BANP: variants seen among roughly 807,000 people sequenced by gnomAD.
BANP encodes BTG3 associated nuclear protein, also known as protein BANP.
Under a neutral mutation model 68.1 loss-of-function variants are expected in BANP, and 11 were observed. The observed-to-expected ratio is 0.16, with a 90% confidence interval of 0.10 to 0.27. BANP has a LOEUF of 0.27. BANP is among the 10% of genes least tolerant of loss of function. The pLI is 1.00. For missense variants in BANP, 504 were observed against 722.7 expected (o/e 0.70, Z 3.47); for synonymous variants, 329 against 303.2 (o/e 1.09, Z -0.88).
chr16:88,033,432 G>A (rs1186405520), intron 9 of BANP, among the ~76,000 whole-genome samples, 187 bp downstream of exon 9: 1 of 152,156 alleles, frequency 6.6e-6, no homozygotes, highest in Non-Finnish European at 1.5e-5. Context: ...CACAGGTGGG[G>A]GCGGCTGCTG....
At position 88,057,583 on chromosome 16, in the gene BANP, A is replaced by G. The variant is rs372168558; in HGVS notation, c.1312-7684A>G. On this transcript the variant is annotated intron_variant, in intron 11 of 13. Coordinates refer to ENST00000682872, the MANE Select transcript of BANP (RefSeq NM_001386991.1). The surrounding 1 kb of genome is among the most constrained non-coding windows in gnomAD (Gnocchi z 4.6). ...CCGGCTTTTCCCTCATGCAAAATGC[A>G]GGCACTCTGACTGGCCCACGTTGTG... Among the ~76,000 whole-genome samples, 33 of 152,234 alleles carry G rather than the reference A, an allele frequency of 2.2e-4. No homozygotes were observed. The highest frequency in any genetic ancestry group is 7.7e-4 in the African/African-American group (32 of 41,546).
intron 4 of BANP, among the ~76,000 whole-genome samples, chr16:87,997,836 G>T (rs1041319662): frequency 6.6e-6 from 1 of 152,264 alleles, no homozygotes; most frequent in African/African-American, 2.4e-5. Context: ...TTACTTCCTG[G>T]TGAGTCCCTG....
intron 4 of BANP, among the ~76,000 whole-genome samples, chr16:87,991,300 A>G (rs2065852116): frequency 6.6e-6 from 1 of 152,280 alleles, no homozygotes; most frequent in Non-Finnish European, 1.5e-5. Flanking sequence ...CATACATACA[A>G]CTTCGGGAAT....
chr16:88,075,112 G>A (rs1205921169), intron 13 of BANP, among the ~76,000 whole-genome samples: 1 of 152,204 alleles, frequency 6.6e-6, no homozygotes, highest in African/African-American at 2.4e-5. Flanking sequence ...TTGGGAGGCT[G>A]AGGCAGGCCA....
At chr16:87,964,976 A>T (rs561927310) in intron 1 of BANP, among the ~76,000 whole-genome samples, 55 of 152,270 alleles carry the variant, frequency 3.6e-4, no homozygotes, top group African/African-American at 1.3e-3. Context: ...GTGTGGTGTG[A>T]GGCCTGGAGT....
intron 11 of BANP, among the ~76,000 whole-genome samples, chr16:88,053,029 C>A (rs1419805149): frequency 6.6e-6 from 1 of 150,500 alleles, no homozygotes; most frequent in Non-Finnish European, 1.5e-5. Context: ...AACAGTCACC[C>A]TAACAAACAC....
intron 13 of BANP, 114 bp from the exon 14 acceptor site, chr16:88,076,476 C>A: frequency 1.1e-6 from 1 of 883,000 alleles, no homozygotes; most frequent in Non-Finnish European, 1.7e-6. Flanking sequence ...CTCCTTCGCG[C>A]TCCTGTGTGC....
rs889958216 is a variant in BANP at position 88,064,061 on chromosome 16, A to G, written c.1312-1206A>G. Among the ~76,000 whole-genome samples the G allele has an allele frequency of 2.0e-5, 3 of 152,192 alleles. No homozygotes were observed. The highest frequency in any genetic ancestry group is 7.2e-5 in the African/African-American group (3 of 41,446). Reference sequence around the variant, plus strand: ...TTTTGTGGGGAACAAAGGCACAGACATTGTTGCTGCCTTGGAACAAGGTGT... The same window carrying G: ...TTTTGTGGGGAACAAAGGCACAGACGTTGTTGCTGCCTTGGAACAAGGTGT... On this transcript the variant is annotated intron_variant, in intron 11 of 13. Transcript: ENST00000682872. The surrounding 1 kb of genome is among the most constrained non-coding windows in gnomAD (Gnocchi z 4.5).
Position 88,065,031 on chromosome 16 carries a change from C to T in BANP, c.1312-236C>T, listed in dbSNP as rs73235239. 5.7e-3 allele frequency among the ~76,000 whole-genome samples: 862 copies of T among 152,342 alleles called. 10 individuals are homozygous for T. Among genetic ancestry groups the T allele is most frequent in the African/African-American group, 0.02 (814 of 41,572 alleles). Reference sequence around the variant, plus strand: ...CAGCTGCCAGCCCGCCCTGAAGGCACGGACTGCCAGGCCTTTTGTTTCTGT... The same window carrying T: ...CAGCTGCCAGCCCGCCCTGAAGGCATGGACTGCCAGGCCTTTTGTTTCTGT... On this transcript the variant is annotated intron_variant, in intron 11 of 13. Transcript: ENST00000682872.
chr16:87,961,356 G>A (rs946614351), intron 1 of BANP, among the ~76,000 whole-genome samples: 2 of 151,670 alleles, frequency 1.3e-5, no homozygotes, highest in Non-Finnish European at 2.9e-5. Context: ...TAGAGACAGG[G>A]TTTTGCTGTG....
In BANP at chr16:88,035,326, C is replaced by T; in HGVS notation, c.1204C>T (p.Pro402Ser). Residue 402 changes from proline (P) to serine (S), a missense_variant, in exon 10 of 14, where the codon CCA becomes TCA. Physicochemically the swap from Pro to Ser is moderately conservative, Grantham distance 74. Coordinates refer to ENST00000682872, the MANE Select transcript of BANP (RefSeq NM_001386991.1). ...TTGGTGTCTTTTCTTGCTGCGGATC[C>T]CACAGGGACACCTCCACATCGCCCA... Reference protein sequence around the residue: ...IGEDGQVQVIPQGHLHIAQVP... With the variant: ...IGEDGQVQVISQGHLHIAQVP... 1 of 1,609,756 alleles carries T rather than the reference C, an allele frequency of 6.2e-7. No homozygotes were observed. Among genetic ancestry groups the T allele is most frequent in the Non-Finnish European group, 8.5e-7 (1 of 1,178,438 alleles).
At chr16:87,973,548 G>C (rs2061489433) in intron 1 of BANP, among the ~76,000 whole-genome samples, 1 of 152,158 alleles carries the variant, frequency 6.6e-6, no homozygotes. Flanking sequence ...ATCACCTGAG[G>C]TCGGGAGTTC....
chr16:87,975,346 C>A, intron 2 of BANP, 161 bp downstream of exon 2: 1 of 713,588 alleles, frequency 1.4e-6, no homozygotes, highest in Non-Finnish European at 2.4e-6. Flanking sequence ...CGGCCCCTCC[C>A]TTCCCTCGCC....
chr16:88,033,815 C>G (rs1050094537), intron 9 of BANP, among the ~76,000 whole-genome samples: 9 of 152,210 alleles, frequency 5.9e-5, no homozygotes, highest in African/African-American at 2.2e-4. Context: ...TGTGGTCAGC[C>G]TGATGCGCCT....
rs2087822142 is a variant in BANP at position 88,064,328 on chromosome 16, C to G, written c.1312-939C>G. Among the ~76,000 whole-genome samples the G allele has an allele frequency of 6.6e-6, 1 of 152,196 alleles. No individual in the cohort carries two copies. Among genetic ancestry groups the G allele is most frequent in the Non-Finnish European group, 1.5e-5 (1 of 68,042 alleles). ...GTCCCTTGCACCCTTGCCCTGTGGT[C>G]ACCTGTGGTCAGGGACAGTGGGTTC... On this transcript the variant is annotated intron_variant, in intron 11 of 13. Coordinates refer to ENST00000682872, the MANE Select transcript of BANP (RefSeq NM_001386991.1). This position sits in a 1 kb window ranked among gnomAD's most constrained non-coding sequence, Gnocchi z 4.5.
rs1335324243 is a variant in BANP at position 87,957,622 on chromosome 16, C to T, written c.-69+6107C>T. ...TGGCCTGTAGTGATTTTCCTTTTCC[C>T]TTGAGATGAAAAGTCATCAAATATC... On this transcript the variant is annotated intron_variant, in intron 1 of 13. Coordinates refer to ENST00000682872, the MANE Select transcript of BANP (RefSeq NM_001386991.1). This position sits in a 1 kb window ranked among gnomAD's most constrained non-coding sequence, Gnocchi z 4.3. 6.6e-6 allele frequency among the ~76,000 whole-genome samples: 1 copy of T among 152,256 alleles called. No individual in the cohort carries two copies. Among genetic ancestry groups the T allele is most frequent in the East Asian group, 1.9e-4 (1 of 5,206 alleles).
At chr16:88,020,263 C>T (rs1364120651) in intron 7 of BANP, among the ~76,000 whole-genome samples, 2 of 152,226 alleles carry the variant, frequency 1.3e-5, no homozygotes, top group South Asian at 4.1e-4. Context: ...GAGGAGTCAG[C>T]GCATGGTCGT....
chr16:88,047,159 G>A (rs1269755687), intron 11 of BANP, among the ~76,000 whole-genome samples: 2 of 152,192 alleles, frequency 1.3e-5, no homozygotes, highest in Non-Finnish European at 1.5e-5. Context: ...AGGTGGCATT[G>A]TTTGTGTTGT....
At position 87,981,023 on chromosome 16, in the gene BANP, T is replaced by G; in HGVS notation, c.71-13T>G. ...TCATGTTAAACATTTTTTTTCTCTG[T>G]CACTGATTTCAGTTGTTTTGGAGAA... On this transcript the variant is annotated splice_polypyrimidine_tract_variant and intron_variant, in intron 2 of 13. Transcript: ENST00000682872. 1.3e-6 allele frequency: 2 copies of G among 1,593,922 alleles called. No individual in the cohort carries two copies. The highest frequency in any genetic ancestry group is 1.7e-6 in the Non-Finnish European group (2 of 1,162,172).
Sources: gnomAD v4.1 joint callset for allele counts (sites outside exome capture counted in the v4.1 genomes callset) on GRCh38, gnomAD v4.1.1 for gene constraint, Gnocchi (gnomAD v3.1) non-coding constraint, MANE v1.5 for transcripts, NCBI Gene and HGNC (gene_info 2026-07-23, HGNC 2026-07-21) for gene names.